ALOXE3: variants seen among roughly 807,000 people sequenced by gnomAD.
ALOXE3 encodes the protein arachidonate epidermal lipoxygenase 3.
A neutral mutation model predicts 87.5 loss-of-function variants in ALOXE3; 78 were observed. That is an observed-to-expected ratio of 0.89 (90% CI 0.74 to 1.08). The LOEUF is 1.08. Among genes scored for constraint, ALOXE3 ranks in the 50% least tolerant of loss-of-function variants. ALOXE3 has a pLI of 0.00. For synonymous variants in ALOXE3, 363 were observed against 370.8 expected (o/e 0.98, Z 0.24); for missense variants, 946 against 912.4 (o/e 1.04, Z -0.47).
chr17:8,109,869 AAGCGTCTTCGGGGGCGG>A (rs1248533740), intron 11 of ALOXE3, 30 bp downstream of exon 11: 1 of 1,525,426 alleles, frequency 6.6e-7, no homozygotes, highest in Admixed American at 2.0e-5. Flanking sequence ...TAGCGGGGCA[AAGCGTCTTCGGGGGCGG>A]AGATCAGTGA....
At chr17:8,105,937 A>T in intron 13 of ALOXE3, among the ~76,000 whole-genome samples, 1 of 143,376 alleles carries the variant, frequency 7.0e-6, no homozygotes. Flanking sequence ...AAAAAAAAAA[A>T]GCCAGAGTAG....
chr17:8,098,234 GTTTTTTTTT>G (rs71159546), intron 15 of ALOXE3, among the ~76,000 whole-genome samples: 1 of 87,484 alleles, frequency 1.1e-5, no homozygotes, highest in African/African-American at 4.1e-5. Context: ...TTTGGTTTTT[GTTTTTTTTT>G]TTTTTTTTTT....
chr17:8,109,435 G>A (rs987182221), intron 11 of ALOXE3, 92 bp from the exon 12 acceptor site: 2 of 1,536,742 alleles, frequency 1.3e-6, no homozygotes, highest in African/African-American at 1.4e-5. Context: ...GGCCCAAGGA[G>A]GGCCTTCTTC....
chr17:8,105,956 G>A (rs969231159), intron 13 of ALOXE3, among the ~76,000 whole-genome samples: 3 of 150,918 alleles, frequency 2.0e-5, no homozygotes, highest in Non-Finnish European at 4.4e-5. Context: ...AGGAAGGCAC[G>A]GGGTATTAAC....
rs761996839 is a variant in ALOXE3, at chr17:8,112,155, C to A, written c.722G>T (p.Gly241Val). 6.2e-7 allele frequency: 1 copy of A among 1,614,160 alleles called. No individual in the cohort carries two copies. Residue 241 changes from glycine to valine, a missense_variant, in exon 7 of 16, where the codon GGC (glycine) becomes GTC (valine). Transcript: ENST00000448843. ...MKLRGLLDRK[G>V]SWKKLDDMQN... ...CATGTCATCCAGCTTCTTCCAGGAG[C>A]CCTTGCGATCCAACAGCCCTCGAAG...
intron 3 of ALOXE3, among the ~76,000 whole-genome samples, chr17:8,116,381 C>T (rs1216289338): frequency 1.3e-5 from 2 of 152,188 alleles, no homozygotes; most frequent in Non-Finnish European, 2.9e-5. Flanking sequence ...GGGGCCTCTC[C>T]AGCTAAAATC....
chr17:8,113,016 A>G (rs1004077781), intron 6 of ALOXE3, among the ~76,000 whole-genome samples: 2 of 152,130 alleles, frequency 1.3e-5, no homozygotes, highest in African/African-American at 4.8e-5. Context: ...CATGCTTGAA[A>G]TTAAAATGGC....
At chr17:8,118,536 T>A, upstream of ALOXE3, 1 of 1,529,318 alleles carries the variant, frequency 6.5e-7, no homozygotes, top group South Asian at 1.2e-5. Flanking sequence ...CAGTGGAGAG[T>A]TGCACTTGGT....
In ALOXE3 at chr17:8,109,261, G is replaced by A. The variant is rs747784080; in HGVS notation, c.1475C>T (p.Pro492Leu). Residue 492 changes from proline (P) to leucine (L), a missense_variant, in exon 12 of 16, where the codon CCG becomes CTG. Pro to Leu is a moderately conservative substitution (Grantham distance 98). Coordinates refer to ENST00000448843, the MANE Select transcript of ALOXE3 (RefSeq NM_021628.3). The part of the protein sequence containing the change: ...AHFTYTNFCL[P>L]DSLRARGVLA... ...GACGCCGCGGGCCCGCAGGCTGTCCGGAAGGCAGAAATTGGTGTAGGTGAA... is the reference window on the plus strand; with the variant it reads ...GACGCCGCGGGCCCGCAGGCTGTCCAGAAGGCAGAAATTGGTGTAGGTGAA... The A allele has an allele frequency of 7.4e-6, 12 of 1,613,986 alleles. No homozygotes were observed. Among genetic ancestry groups the A allele is most frequent in the African/African-American group, 5.3e-5 (4 of 74,948 alleles).
At chr17:8,107,443 G>A (rs1004367401) in intron 13 of ALOXE3, among the ~76,000 whole-genome samples, 5 of 152,208 alleles carry the variant, frequency 3.3e-5, no homozygotes, top group African/African-American at 9.7e-5. Context: ...CTTGAACCCA[G>A]GAGGTGGAGG....
Position 8,105,893 on chromosome 17 carries a change from C to A in ALOXE3, c.1685-1678G>T, listed in dbSNP as rs536304275. ...TCACACCACTGCACTCCAGTCTGAG[C>A]ATCAAAGTGAGACCCCGCCTCAAAA... On this transcript the variant is annotated intron_variant, in intron 13 of 15. Transcript: ENST00000448843. Among the ~76,000 whole-genome samples, 473 of 113,646 alleles carry A rather than the reference C, an allele frequency of 4.2e-3. 2 individuals are homozygous for A. Among genetic ancestry groups the A allele is most frequent in the Non-Finnish European group, 5.4e-3 (328 of 60,852 alleles). The allele number at this position is 113,646 out of a possible 152,430, so 74.6% of individuals were successfully genotyped here.
Position 8,109,955 on chromosome 17 carries a change from C to G in ALOXE3, c.1353G>C (p.Ala451=). Residue 451 remains alanine, a synonymous_variant, in exon 11 of 16, where the codon GCG becomes GCC. Coordinates refer to ENST00000448843, the MANE Select transcript of ALOXE3 (RefSeq NM_021628.3). ...CCTCGGGGTTGAGCAGCGTGGCCCT[C>G]GCGATGGTGTTCACCTGCAGCGTGT... ...TRYTLQVNTI[A]RATLLNPEGL... 1 of 1,551,272 alleles carries G rather than the reference C, an allele frequency of 6.4e-7. No individual in the cohort carries two copies. Among genetic ancestry groups the G allele is most frequent in the Middle Eastern group, 1.7e-4 (1 of 5,988 alleles).
Position 8,115,654 on chromosome 17 carries a change from G to C in ALOXE3, c.387C>G (p.Leu129=). ...RTICQDSLPL[L]LDHRTRELRA... ...GGAGCTCCCGTGTCCTGTGATCCAGGAGGAGGGGAAGAGAGTCCTGACAAA... is the reference window on the plus strand; with the variant it reads ...GGAGCTCCCGTGTCCTGTGATCCAGCAGGAGGGGAAGAGAGTCCTGACAAA... The change falls in exon 4 of 16, where the codon CTC becomes CTG. Residue 129 remains leucine, a synonymous_variant. Coordinates refer to ENST00000448843, the MANE Select transcript of ALOXE3 (RefSeq NM_021628.3). The C allele has an allele frequency of 6.2e-7, 1 of 1,613,994 alleles. No homozygotes were observed. The highest frequency in any genetic ancestry group is 8.5e-7 in the Non-Finnish European group (1 of 1,179,848).
At chr17:8,113,184 C>T (rs1980251678) in intron 6 of ALOXE3, among the ~76,000 whole-genome samples, 1 of 152,222 alleles carries the variant, frequency 6.6e-6, no homozygotes, top group African/African-American at 2.4e-5. Flanking sequence ...TGAACTCCTC[C>T]ATGAACACAT....
chr17:8,117,755 C>G, intron 2 of ALOXE3, 89 bp downstream of exon 2: 2 of 1,545,916 alleles, frequency 1.3e-6, no homozygotes, highest in Non-Finnish European at 1.7e-6. Context: ...CTGAGTTCAG[C>G]AGGATCTCAA....
At position 8,116,878 on chromosome 17, in the gene ALOXE3, A is replaced by G. The variant is rs752200701; in HGVS notation, c.250T>C (p.Cys84Arg). Residue 84 changes from cysteine to arginine, a missense_variant, in exon 3 of 16, where the codon TGT becomes CGT. Transcript: ENST00000448843. The part of the protein sequence containing the change: ...YAFFRKDSWY[C>R]SRICVTEPDG... ...GGTTCGGTGACACAGATGCGGCTAC[A>G]GTACCAAGAGTCCTTGCGGAAGAAA... The G allele has an allele frequency of 2.5e-6, 4 of 1,614,134 alleles. No individual in the cohort carries two copies. Among genetic ancestry groups the G allele is most frequent in the Non-Finnish European group, 3.4e-6 (4 of 1,180,042 alleles).
intron 15 of ALOXE3, among the ~76,000 whole-genome samples, chr17:8,098,471 C>T (rs1191920462): frequency 6.6e-6 from 1 of 151,510 alleles, no homozygotes; most frequent in Non-Finnish European, 1.5e-5. Flanking sequence ...AACTCCAAAC[C>T]TCAGGTGATC....
intron 14 of ALOXE3, 119 bp downstream of exon 14, chr17:8,103,996 C>T (rs1282495090): frequency 3.5e-6 from 3 of 863,044 alleles, no homozygotes; most frequent in African/African-American, 3.3e-5. Flanking sequence ...GCCACTCCAA[C>T]CCCAAGTCTA....
At chr17:8,104,625 G>A (rs112739400) in intron 13 of ALOXE3, among the ~76,000 whole-genome samples, 16 of 152,334 alleles carry the variant, frequency 1.1e-4, no homozygotes, top group African/African-American at 3.4e-4. Flanking sequence ...AGAGACCCAC[G>A]CAGAGGGCGT....
Sources: gnomAD v4.1 joint callset for allele counts (sites outside exome capture counted in the v4.1 genomes callset) on GRCh38, gnomAD v4.1.1 for gene constraint, MANE v1.5 for transcripts, NCBI Gene and HGNC (gene_info 2026-07-23, HGNC 2026-07-21) for gene names.